The following CLVS2 variants were observed in gnomAD, a reference collection of about 807,000 sequenced individuals.
CLVS2 encodes the protein clavesin 2, also known as clavesin-2.
A neutral mutation model predicts 29.0 loss-of-function variants in CLVS2; 19 were observed. The ratio of observed to expected loss-of-function variants is 0.66; its 90% confidence interval spans 0.46 to 0.96. CLVS2 has a LOEUF of 0.96. Among genes scored for constraint, CLVS2 ranks in the 40% least tolerant of loss-of-function variants. CLVS2 has a pLI of 0.00. For missense variants in CLVS2, 294 were observed against 404.1 expected (o/e 0.73, Z 2.34); for synonymous variants, 161 against 151.3 (o/e 1.06, Z -0.47).
intron 2 of CLVS2, among the ~76,000 whole-genome samples, chr6:123,003,853 T>C (rs2114298625): frequency 6.6e-6 from 1 of 152,338 alleles, no homozygotes; most frequent in East Asian, 1.9e-4. Flanking sequence ...ACATTTATTG[T>C]TCCATTTTAT....
At chr6:123,044,384 T>C (rs753918185) in intron 3 of CLVS2, among the ~76,000 whole-genome samples, 2 of 152,166 alleles carry the variant, frequency 1.3e-5, no homozygotes, top group Non-Finnish European at 2.9e-5. Flanking sequence ...AAGGGTTATT[T>C]CACCAAAGTT....
In CLVS2 at chr6:123,067,147, TC is replaced by T. The variant is rs1324851021; in HGVS notation, c.*3387del. ...ATTCATAAGCAGGAAAGCCAAAAAT[TC>T]ATACATTAATACTTAGCTTTTTTAA... is the stretch of plus-strand genomic sequence containing the variant. On this transcript the variant is annotated 3_prime_UTR_variant, in exon 6 of 6. Transcript: ENST00000275162. The T allele has an allele frequency of 6.6e-6, 1 of 151,794 alleles. No homozygotes were observed. The highest frequency in any genetic ancestry group is 1.5e-5 in the Non-Finnish European group (1 of 67,776). 9.4% of individuals were successfully genotyped at this position (151,794 alleles called of 1,614,324 possible).
chr6:123,037,822 T>A (rs1775175783), intron 3 of CLVS2, among the ~76,000 whole-genome samples: 1 of 152,158 alleles, frequency 6.6e-6, no homozygotes, highest in South Asian at 2.1e-4. Flanking sequence ...CACATTAAAT[T>A]GGTTGCACTA....
intron 3 of CLVS2, among the ~76,000 whole-genome samples, chr6:123,040,654 G>A (rs1257366520): frequency 3.3e-5 from 5 of 152,008 alleles, no homozygotes; most frequent in African/African-American, 7.2e-5. Flanking sequence ...TTAGCTGGGC[G>A]TAGTGGCGGG....
intron 3 of CLVS2, among the ~76,000 whole-genome samples, chr6:123,045,535 C>A (rs1453371710): frequency 6.6e-6 from 1 of 151,978 alleles, no homozygotes; most frequent in African/African-American, 2.4e-5. Context: ...GCTGCCACTG[C>A]AACAAAAAGG....
chr6:123,020,697 A>G (rs1425628817), intron 3 of CLVS2, among the ~76,000 whole-genome samples: 4 of 152,104 alleles, frequency 2.6e-5, no homozygotes, highest in Admixed American at 2.6e-4. Flanking sequence ...GTTTAGCCAC[A>G]TACTGAAAAC....
chr6:123,046,099 T>C (rs965246072), intron 3 of CLVS2, among the ~76,000 whole-genome samples: 1 of 152,122 alleles, frequency 6.6e-6, no homozygotes, highest in Non-Finnish European at 1.5e-5. Flanking sequence ...AATCAAGGGC[T>C]ACGTTCTTGT....
At chr6:122,999,589 T>G (rs548991954) in intron 2 of CLVS2, among the ~76,000 whole-genome samples, 5 of 152,206 alleles carry the variant, frequency 3.3e-5, no homozygotes, top group Non-Finnish European at 1.5e-5. Flanking sequence ...ACAATTTTTG[T>G]TTAAAAATGT....
At chr6:123,055,061 C>A (rs1772673540) in intron 4 of CLVS2, among the ~76,000 whole-genome samples, 1 of 152,004 alleles carries the variant, frequency 6.6e-6, no homozygotes, top group South Asian at 2.1e-4. Flanking sequence ...ATGAGGAGAG[C>A]ATTTTGTCTA....
At chr6:123,036,554 G>A (rs1775156948) in intron 3 of CLVS2, among the ~76,000 whole-genome samples, 1 of 152,090 alleles carries the variant, frequency 6.6e-6, no homozygotes, top group Non-Finnish European at 1.5e-5. Context: ...CTTCTTTCTT[G>A]TTGTGTTAAA....
At chr6:123,038,370 T>C (rs1434738488) in intron 3 of CLVS2, among the ~76,000 whole-genome samples, 1 of 152,218 alleles carries the variant, frequency 6.6e-6, no homozygotes, top group Non-Finnish European at 1.5e-5. Flanking sequence ...TTACATTTCC[T>C]ATCCTTGAGT....
rs115096105 is a variant in CLVS2 at position 123,002,401 on chromosome 6, G to A, written c.389+4235G>A. ...ATTCAAAAGCAAACATTGTATGAAT[G>A]GTTGCTATTTGTGGTTCAGTTTGAA... On this transcript the variant is annotated intron_variant, in intron 2 of 5. Transcript: ENST00000275162. Among the ~76,000 whole-genome samples, 739 of 152,142 alleles carry A rather than the reference G, an allele frequency of 4.9e-3. 6 individuals are homozygous for A. Among genetic ancestry groups the A allele is most frequent in the African/African-American group, 0.017 (712 of 41,500 alleles).
At chr6:123,013,503 G>T (rs1774781737) in intron 3 of CLVS2, among the ~76,000 whole-genome samples, 1 of 151,838 alleles carries the variant, frequency 6.6e-6, no homozygotes, top group African/African-American at 2.4e-5. Context: ...AATAAGAAAG[G>T]CTATCAATCT....
chr6:123,014,253 G>A (rs1774793355), intron 3 of CLVS2, among the ~76,000 whole-genome samples: 1 of 152,070 alleles, frequency 6.6e-6, no homozygotes, highest in Non-Finnish European at 1.5e-5. Flanking sequence ...TTCTACAATG[G>A]TTGAACTAGT....
intron 3 of CLVS2, among the ~76,000 whole-genome samples, chr6:123,036,875 A>G (rs1485685914): frequency 6.6e-6 from 1 of 152,176 alleles, no homozygotes; most frequent in Non-Finnish European, 1.5e-5. Flanking sequence ...CGTTCTGGCA[A>G]GTGATTGGAA....
chr6:123,040,971 A>AT (rs1195735843), intron 3 of CLVS2, among the ~76,000 whole-genome samples: 1 of 152,088 alleles, frequency 6.6e-6, no homozygotes, highest in Non-Finnish European at 1.5e-5. Flanking sequence ...CAAAACTCTC[A>AT]TTTTTCCATA....
At chr6:123,057,334 CTTTTTTTTTTTTTTTT>C (rs71541220) in intron 5 of CLVS2, among the ~76,000 whole-genome samples, 4 of 83,688 alleles carry the variant, frequency 4.8e-5, no homozygotes, top group Admixed American at 4.2e-4. Context: ...GGATGGTCTT[CTTTTTTTTTTTTTTTT>C]TTTTTTTTTT....
intron 4 of CLVS2, among the ~76,000 whole-genome samples, chr6:123,053,004 G>A (rs535525539): frequency 6.9e-6 from 1 of 145,788 alleles, no homozygotes; most frequent in Non-Finnish European, 1.5e-5. Context: ...TATAGTTAAA[G>A]AAGAGAAAAA....
chr6:123,021,008 A>C (rs1774911537), intron 3 of CLVS2, among the ~76,000 whole-genome samples: 1 of 150,946 alleles, frequency 6.6e-6, no homozygotes, highest in African/African-American at 2.4e-5. Flanking sequence ...CGTTAGACTC[A>C]ATCTTAAGGG....
Sources: allele counts gnomAD v4.1 joint callset (sites outside exome capture counted in the v4.1 genomes callset), GRCh38; gene constraint gnomAD v4.1.1; transcripts MANE v1.5; gene names NCBI Gene and HGNC (gene_info 2026-07-23, HGNC 2026-07-21).